The following COL4A2 variants were observed in gnomAD, a reference collection of about 807,000 sequenced individuals.
COL4A2 encodes collagen type IV alpha 2 chain, also known as collagen alpha-2(IV) chain.
In COL4A2, 99 loss-of-function variants were observed where a neutral mutation model predicts 200.2. The observed-to-expected ratio is 0.49, with a 90% CI of 0.42 to 0.58. The LOEUF (loss-of-function observed/expected upper bound fraction) is 0.58, where lower values mean the gene tolerates loss of function less well. Ranked by LOEUF, COL4A2 falls within the 20% of genes least tolerant of loss-of-function variation. The pLI is 0.00. For synonymous variants in COL4A2, 897 were observed against 900.6 expected (o/e 1.00, Z 0.07); for missense variants, 1,950 against 2,314.1 (o/e 0.84, Z 3.23).
chr13:110,326,087 C>G (rs545480130), intron 3 of COL4A2, among the ~76,000 whole-genome samples: 1 of 152,092 alleles, frequency 6.6e-6, no homozygotes, highest in Non-Finnish European at 1.5e-5. Context: ...AGCCCAGCCC[C>G]GAATTTCATT....
intron 4 of COL4A2, among the ~76,000 whole-genome samples, chr13:110,367,117 G>A (rs1004216337): frequency 2.6e-5 from 4 of 152,202 alleles, no homozygotes; most frequent in Admixed American, 2.6e-4. Context: ...GGAACCCAAT[G>A]TAAGCCCTGT....
At chr13:110,369,405 G>C (rs534537715) in intron 4 of COL4A2, among the ~76,000 whole-genome samples, 9 of 152,280 alleles carry the variant, frequency 5.9e-5, no homozygotes, top group Middle Eastern at 6.8e-3. Flanking sequence ...TGCTCAACCA[G>C]TAAGTATGTG....
At chr13:110,315,025 G>C (rs1463792125) in intron 3 of COL4A2, among the ~76,000 whole-genome samples, 1 of 152,258 alleles carries the variant, frequency 6.6e-6, no homozygotes, top group East Asian at 1.9e-4. Context: ...GCCAGTGGCT[G>C]TTGCCTTGCA....
intron 36 of COL4A2, 96 bp downstream of exon 36, chr13:110,489,881 C>T: frequency 7.6e-7 from 1 of 1,309,470 alleles, no homozygotes; most frequent in Non-Finnish European, 1.1e-6. Context: ...TCAGTAACAA[C>T]CAGAAAGCAC....
chr13:110,428,795 G>A (rs1389351228), intron 7 of COL4A2, among the ~76,000 whole-genome samples: 4 of 152,190 alleles, frequency 2.6e-5, no homozygotes, highest in Non-Finnish European at 5.9e-5. Context: ...GGTTGATGTT[G>A]TTCACTCTCA....
At chr13:110,334,931 C>T (rs575530598) in intron 3 of COL4A2, among the ~76,000 whole-genome samples, 3 of 152,292 alleles carry the variant, frequency 2.0e-5, no homozygotes, top group African/African-American at 4.8e-5. Context: ...ACAGTCAGAT[C>T]CACGCAGCCC....
chr13:110,474,833 G>T (rs1410367805), intron 29 of COL4A2, among the ~76,000 whole-genome samples: 4 of 142,204 alleles, frequency 2.8e-5, no homozygotes, highest in Non-Finnish European at 6.0e-5. Flanking sequence ...ACCCACACAC[G>T]TGCCTGTGCA....
chr13:110,459,370 A>G (rs7995158), intron 22 of COL4A2: 86,156 of 157,956 alleles, frequency 0.55, 24,300 homozygotes, highest in Middle Eastern at 0.72. Context: ...TCTATACCAC[A>G]GAATAGCCCT....
intron 20 of COL4A2, among the ~76,000 whole-genome samples, chr13:110,453,694 T>C (rs1324724782): frequency 6.6e-6 from 1 of 152,214 alleles, no homozygotes; most frequent in East Asian, 1.9e-4. Context: ...TGATCTGTAG[T>C]GTGGGCTGAT....
In COL4A2 at chr13:110,480,287, C is replaced by T. The variant is rs1566558615; in HGVS notation, c.2655C>T (p.Leu885=). 4 of 1,613,846 alleles carry T rather than the reference C, an allele frequency of 2.5e-6. No homozygotes were observed. The highest frequency in any genetic ancestry group is 2.7e-5 in the African/African-American group (2 of 74,930). ...CTGGCCCTGTGGGCATGAAAGGTCT[C>T]TCTGGTGACAGAGGAGATGCTGGCT... is the stretch of plus-strand genomic sequence containing the variant. ...GAPGPVGMKG[L]SGDRGDAGFT... Residue 885 remains leucine, a synonymous_variant, in exon 31 of 48, where the codon CTC becomes CTT. Transcript: ENST00000360467.
intron 3 of COL4A2, among the ~76,000 whole-genome samples, chr13:110,343,324 T>C (rs1467162860): frequency 1.3e-5 from 2 of 151,754 alleles, no homozygotes; most frequent in Non-Finnish European, 2.9e-5. Flanking sequence ...GCCCCAGGAG[T>C]AGGCGTCTGC....
intron 4 of COL4A2, among the ~76,000 whole-genome samples, chr13:110,365,450 C>G (rs560548139): frequency 6.6e-6 from 1 of 152,294 alleles, no homozygotes; most frequent in East Asian, 1.9e-4. Context: ...CTGGCATTTT[C>G]TTTAATTAGA....
intron 3 of COL4A2, among the ~76,000 whole-genome samples, chr13:110,345,523 C>T (rs1434528566): frequency 6.6e-6 from 1 of 152,024 alleles, no homozygotes; most frequent in Non-Finnish European, 1.5e-5. Flanking sequence ...TCGAGGCCTC[C>T]TCAAACACAC....
At chr13:110,400,706 C>T (rs1028100361) in intron 4 of COL4A2, among the ~76,000 whole-genome samples, 1 of 152,158 alleles carries the variant, frequency 6.6e-6, no homozygotes. Flanking sequence ...AATTCCACTT[C>T]AGTAACTAAA....
chr13:110,458,089 A>AC, intron 21 of COL4A2: 1 of 468,382 alleles, frequency 2.1e-6, no homozygotes, highest in Non-Finnish European at 4.4e-6. Context: ...CCTGGGACTT[A>AC]CCACGTCTTG....
chr13:110,392,137 T>G (rs1304404739), intron 4 of COL4A2, among the ~76,000 whole-genome samples: 1 of 152,132 alleles, frequency 6.6e-6, no homozygotes. Flanking sequence ...AAAGAAATAC[T>G]GAAATACTGA....
intron 4 of COL4A2, among the ~76,000 whole-genome samples, chr13:110,380,143 C>T (rs560545118): frequency 4.6e-5 from 7 of 152,304 alleles, no homozygotes; most frequent in African/African-American, 1.4e-4. Flanking sequence ...CCAAAGAGCA[C>T]ATTAGTCATG....
At chr13:110,397,373 GC>G (rs1377029647) in intron 4 of COL4A2, among the ~76,000 whole-genome samples, 1 of 152,154 alleles carries the variant, frequency 6.6e-6, no homozygotes, top group Non-Finnish European at 1.5e-5. Context: ...AGGGATTCAG[GC>G]TTCAGGTTGT....
chr13:110,355,317 G>GTT (rs200435925), intron 3 of COL4A2, among the ~76,000 whole-genome samples: 1,528 of 117,016 alleles, frequency 0.013, 415 homozygotes, highest in African/African-American at 0.13. Context: ...TAGCTCAACT[G>GTT]TGTGTGGGAG....
Sources: allele counts gnomAD v4.1 joint callset (sites outside exome capture counted in the v4.1 genomes callset), GRCh38; gene constraint gnomAD v4.1.1; transcripts MANE v1.5; gene names NCBI Gene and HGNC (gene_info 2026-07-23, HGNC 2026-07-21).